SYT9: variants seen among roughly 807,000 people sequenced by gnomAD.
SYT9 encodes the protein synaptotagmin 9.
In SYT9, 22 loss-of-function variants were observed where a neutral mutation model predicts 48.4. That is an observed-to-expected ratio of 0.45 (90% CI 0.32 to 0.65). SYT9 has a LOEUF of 0.65. Among genes scored for constraint, SYT9 ranks in the 30% least tolerant of loss-of-function variants. SYT9 has a pLI of 0.03. For synonymous variants in SYT9, 265 were observed against 245.0 expected (o/e 1.08, Z -0.76); for missense variants, 577 against 622.0 (o/e 0.93, Z 0.77).
intron 3 of SYT9, among the ~76,000 whole-genome samples, chr11:7,319,166 C>CTT (rs36130335): frequency 0.54 from 68,831 of 127,712 alleles, 19,274 homozygotes; most frequent in Non-Finnish European, 0.62. Flanking sequence ...CCTATTTCTT[C>CTT]TTTTTTTTTT....
At chr11:7,387,512 G>A (rs72846013) in intron 3 of SYT9, among the ~76,000 whole-genome samples, 13,599 of 152,082 alleles carry the variant, frequency 0.089, 647 homozygotes, top group Middle Eastern at 0.14. Context: ...GTCGTCTAAC[G>A]ATAATGACAG....
intron 6 of SYT9, chr11:7,444,571 T>G (rs553558510): frequency 6.6e-6 from 1 of 152,308 alleles, no homozygotes; most frequent in South Asian, 2.1e-4. Flanking sequence ...TCTAGAAATG[T>G]TCTGTGAATA....
chr11:7,432,602 T>A (rs1443925280), intron 6 of SYT9, among the ~76,000 whole-genome samples: 37 of 9,674 alleles, frequency 3.8e-3, no homozygotes, highest in Non-Finnish European at 5.1e-3. Context: ...CATATATATA[T>A]ATATATATAT....
intron 3 of SYT9, among the ~76,000 whole-genome samples, chr11:7,388,275 A>G (rs1057143496): frequency 2.0e-5 from 3 of 152,116 alleles, no homozygotes; most frequent in African/African-American, 7.2e-5. Context: ...TTTAAAATCT[A>G]TGGGTATAAA....
upstream of SYT9, among the ~76,000 whole-genome samples, chr11:7,250,713 G>A (rs1847852966): frequency 6.6e-6 from 1 of 152,022 alleles, no homozygotes; most frequent in South Asian, 2.1e-4. Context: ...GATTTCAAAG[G>A]TTGCCTGTTG....
intron 5 of SYT9, among the ~76,000 whole-genome samples, chr11:7,418,670 A>G (rs890372947): frequency 6.6e-6 from 1 of 152,266 alleles, no homozygotes; most frequent in Non-Finnish European, 1.5e-5. Context: ...TAGAATCAGT[A>G]TGGATGACAA....
At chr11:7,307,350 T>C (rs893190624) in intron 2 of SYT9, among the ~76,000 whole-genome samples, 5 of 152,260 alleles carry the variant, frequency 3.3e-5, no homozygotes, top group Admixed American at 1.3e-4. Flanking sequence ...ACATAATTTT[T>C]GAATTATAGT....
intron 3 of SYT9, among the ~76,000 whole-genome samples, chr11:7,373,924 T>TTTA (rs1256297779): frequency 1.3e-5 from 2 of 152,012 alleles, no homozygotes. Context: ...AGAGAGTTCT[T>TTTA]TTATTATTAT....
intron 1 of SYT9, among the ~76,000 whole-genome samples, chr11:7,264,503 A>T (rs920981661): frequency 6.6e-6 from 1 of 152,084 alleles, no homozygotes; most frequent in Non-Finnish European, 1.5e-5. Flanking sequence ...CTGAAATTTC[A>T]TTGGAGTAAG....
chr11:7,311,771 C>G (rs1849138554), intron 2 of SYT9, among the ~76,000 whole-genome samples: 1 of 152,206 alleles, frequency 6.6e-6, no homozygotes, highest in African/African-American at 2.4e-5. Context: ...TGGCAGGTTA[C>G]TTTCTGCTGC....
chr11:7,446,801 G>A (rs1847941573), intron 6 of SYT9, among the ~76,000 whole-genome samples: 1 of 145,730 alleles, frequency 6.9e-6, no homozygotes, highest in African/African-American at 2.7e-5. Flanking sequence ...GGTGGTTCCT[G>A]CCCTGCCCTT....
At chr11:7,300,118 C>T (rs1180180799) in intron 1 of SYT9, among the ~76,000 whole-genome samples, 1 of 145,642 alleles carries the variant, frequency 6.9e-6, no homozygotes, top group East Asian at 2.0e-4. Flanking sequence ...CACAAATTAC[C>T]TTTTTTTTTT....
chr11:7,241,411 T>C lies in SYT9; in HGVS notation c.49+2495T>C, dbSNP rs150399424. ...GCAGTTATTGAATAGAAAGAAAATG[T>C]ATGTTCAGTTATTAGAAAATTTCCA... On this transcript the variant is annotated intron_variant and NMD_transcript_variant, in intron 1 of 8. Transcript: ENST00000524820. Among the ~76,000 whole-genome samples the C allele has an allele frequency of 4.9e-3, 754 of 152,352 alleles. 7 individuals are homozygous for C. Among genetic ancestry groups the C allele is most frequent in the African/African-American group, 0.016 (686 of 41,590 alleles).
At chr11:7,251,691 G>A (rs891151493), upstream of SYT9, among the ~76,000 whole-genome samples, 3 of 152,060 alleles carry the variant, frequency 2.0e-5, no homozygotes, top group Admixed American at 6.5e-5. Flanking sequence ...TAGCGAAAGC[G>A]CCCGGAGCGC....
intron 3 of SYT9, among the ~76,000 whole-genome samples, chr11:7,356,502 C>A (rs756058680): frequency 2.0e-5 from 3 of 152,098 alleles, no homozygotes; most frequent in Non-Finnish European, 2.9e-5. Flanking sequence ...CAGTGCGAGC[C>A]CTCCAGGGAG....
chr11:7,273,232 T>C (rs956010728), intron 1 of SYT9, among the ~76,000 whole-genome samples: 1 of 152,176 alleles, frequency 6.6e-6, no homozygotes, highest in African/African-American at 2.4e-5. Context: ...GTAGTACCTG[T>C]AGTTGTAAAT....
At chr11:7,428,223 C>T (rs1204449490) in intron 6 of SYT9, among the ~76,000 whole-genome samples, 1 of 152,108 alleles carries the variant, frequency 6.6e-6, no homozygotes, top group Non-Finnish European at 1.5e-5. Flanking sequence ...AACATTTCTG[C>T]CTGAACAGAA....
chr11:7,445,222 TTTGATAA>T (rs1357857512), intron 6 of SYT9, among the ~76,000 whole-genome samples: 15 of 152,224 alleles, frequency 9.9e-5, no homozygotes, highest in Admixed American at 3.3e-4. Context: ...CTAGGTAAAC[TTTGATAA>T]TTGATATTAT....
chr11:7,307,632 A>C (rs149621763), intron 2 of SYT9, among the ~76,000 whole-genome samples: 3,264 of 152,342 alleles, frequency 0.021, 52 homozygotes, highest in Non-Finnish European at 0.034. Flanking sequence ...AGCACCAATT[A>C]TACACACTGA....
Sources: gnomAD v4.1 joint callset for allele counts (sites outside exome capture counted in the v4.1 genomes callset) on GRCh38, gnomAD v4.1.1 for gene constraint, MANE v1.5 for transcripts, NCBI Gene and HGNC (gene_info 2026-07-23, HGNC 2026-07-21) for gene names.